The following TCF4 variants were observed in gnomAD, a reference collection of about 807,000 sequenced individuals.
TCF4 encodes the protein SL3-3 enhancer factor 2.
A neutral mutation model predicts 82.1 loss-of-function variants in TCF4; 3 were observed. That is an observed-to-expected ratio of 0.04 (90% CI 0.02 to 0.09). The LOEUF (loss-of-function observed/expected upper bound fraction) is 0.09. Ranked by LOEUF, TCF4 falls within the 10% of genes least tolerant of loss-of-function variation. The pLI, the probability that TCF4 is intolerant of heterozygous loss-of-function variation, is 1.00. For missense variants in TCF4, 518 were observed against 852.7 expected (o/e 0.61, Z 4.89); for synonymous variants, 276 against 309.6 (o/e 0.89, Z 1.14).
intron 6 of TCF4, among the ~76,000 whole-genome samples, chr18:55,389,726 A>G (rs2092917721): frequency 6.6e-6 from 1 of 152,138 alleles, no homozygotes; most frequent in African/African-American, 2.4e-5. Context: ...CAGGCCCCAA[A>G]GCCAAGGAAC....
chr18:55,435,932 G>A (rs2095320610), intron 5 of TCF4, among the ~76,000 whole-genome samples: 1 of 152,198 alleles, frequency 6.6e-6, no homozygotes, highest in Admixed American at 6.5e-5. Context: ...GATAAAGGGT[G>A]TATCTCCAAC....
chr18:55,293,806 T>C (rs1401555114), intron 8 of TCF4, among the ~76,000 whole-genome samples: 1 of 152,122 alleles, frequency 6.6e-6, no homozygotes, highest in African/African-American at 2.4e-5. Context: ...CAGCTCTTTT[T>C]TCCAGTAAGT....
chr18:55,323,761 G>A (rs2076102391), intron 8 of TCF4, among the ~76,000 whole-genome samples: 1 of 152,092 alleles, frequency 6.6e-6, no homozygotes, highest in Non-Finnish European at 1.5e-5. Flanking sequence ...AAAAGAGGCT[G>A]GAATTTAAAG....
At chr18:55,252,358 TTGTGTG>T (rs3831430) in intron 15 of TCF4, among the ~76,000 whole-genome samples, 38,530 of 149,810 alleles carry the variant, frequency 0.26, 4,880 homozygotes, top group East Asian at 0.32. Flanking sequence ...TTTATTGCTT[TTGTGTG>T]TGTGTGTGTG....
rs187763220 is a variant in TCF4, at chr18:55,408,596, A to G, written c.305-5078T>C. Reference sequence around the variant, plus strand: ...AAGAATAGCTGTGTCCTTATCATGTATTAACCACTGCTCAAAGCTCTACAT... The same window carrying G: ...AAGAATAGCTGTGTCCTTATCATGTGTTAACCACTGCTCAAAGCTCTACAT... On this transcript the variant is annotated intron_variant, in intron 5 of 19. Coordinates refer to ENST00000354452, the MANE Select transcript of TCF4 (RefSeq NM_001083962.2). 2.8e-3 allele frequency among the ~76,000 whole-genome samples: 420 copies of G among 152,326 alleles called. 1 individual carries two copies. The highest frequency in any genetic ancestry group is 9.7e-3 in the African/African-American group (405 of 41,576).
At chr18:55,552,825 T>C (rs1388706026) in intron 3 of TCF4, among the ~76,000 whole-genome samples, 1 of 152,194 alleles carries the variant, frequency 6.6e-6, no homozygotes, top group African/African-American at 2.4e-5. Flanking sequence ...CAGGATCTCA[T>C]AGAAAGTTTA....
chr18:55,470,086 C>G (rs111842896), intron 3 of TCF4, among the ~76,000 whole-genome samples: 2 of 152,072 alleles, frequency 1.3e-5, no homozygotes, highest in Non-Finnish European at 2.9e-5. Flanking sequence ...CCAAGACATA[C>G]CCCAAAGTCA....
At chr18:55,601,496 G>A (rs1210068870) in intron 2 of TCF4, among the ~76,000 whole-genome samples, 1 of 150,782 alleles carries the variant, frequency 6.6e-6, no homozygotes, top group Non-Finnish European at 1.5e-5. Flanking sequence ...AGGAAAGTCT[G>A]ATTCAAGCTG....
intron 2 of TCF4, among the ~76,000 whole-genome samples, chr18:55,625,262 G>A (rs1603625646): frequency 7.0e-6 from 1 of 143,700 alleles, no homozygotes; most frequent in African/African-American, 2.6e-5. Flanking sequence ...TTTTTGAGAT[G>A]GGAACTTGCT....
chr18:55,279,751 T>C, intron 8 of TCF4, 95 bp from the exon 9 acceptor site: 1 of 1,563,936 alleles, frequency 6.4e-7, no homozygotes, highest in East Asian at 2.3e-5. Context: ...AAGTGCTACA[T>C]TTCTACCCTT....
At chr18:55,597,058 T>A (rs545173984) in intron 2 of TCF4, among the ~76,000 whole-genome samples, 4 of 152,132 alleles carry the variant, frequency 2.6e-5, no homozygotes, top group Non-Finnish European at 5.9e-5. Context: ...TCGCTCTCTC[T>A]CTCCTGCTGT....
At chr18:55,472,616 T>A (rs2096209141) in intron 3 of TCF4, among the ~76,000 whole-genome samples, 1 of 152,192 alleles carries the variant, frequency 6.6e-6, no homozygotes, top group African/African-American at 2.4e-5. Context: ...CTTTGACTTT[T>A]CGAAATGTGA....
intron 5 of TCF4, among the ~76,000 whole-genome samples, chr18:55,441,099 C>T (rs2095431051): frequency 6.6e-6 from 1 of 152,196 alleles, no homozygotes; most frequent in Admixed American, 6.5e-5. Context: ...ATAATATTTG[C>T]TATGAAAAGC....
chr18:55,329,444 G>C (rs1212118911), intron 8 of TCF4, among the ~76,000 whole-genome samples: 1 of 152,094 alleles, frequency 6.6e-6, no homozygotes, highest in Non-Finnish European at 1.5e-5. Context: ...TAAATCCCAC[G>C]AGTAATCTAA....
chr18:55,551,772 T>C (rs1487733575), intron 3 of TCF4: 1 of 152,020 alleles, frequency 6.6e-6, no homozygotes, highest in Non-Finnish European at 1.5e-5. Flanking sequence ...TAGTGGAAAA[T>C]AAGATGAAGG....
At chr18:55,230,195 A>G (rs2047510401) in intron 17 of TCF4, 1 of 152,150 alleles carries the variant, frequency 6.6e-6, no homozygotes, top group Admixed American at 6.6e-5. Flanking sequence ...TAATTGTGAA[A>G]ACCAAAATAT....
At chr18:55,347,387 G>A (rs770601033) in intron 8 of TCF4, among the ~76,000 whole-genome samples, 10 of 152,026 alleles carry the variant, frequency 6.6e-5, no homozygotes, top group African/African-American at 1.2e-4. Context: ...TGCACTAGAG[G>A]GACAGGCTTC....
chr18:55,520,856 A>C (rs534861346), intron 3 of TCF4, among the ~76,000 whole-genome samples: 30 of 152,350 alleles, frequency 2.0e-4, no homozygotes, highest in African/African-American at 7.2e-4. Context: ...ATTTATGTAG[A>C]AAGATTTCAC....
intron 5 of TCF4, 194 bp from the exon 6 acceptor site, chr18:55,403,712 C>T (rs1172769768): frequency 6.5e-7 from 1 of 1,540,816 alleles, no homozygotes; most frequent in Non-Finnish European, 8.7e-7. Context: ...AAATATCCTT[C>T]ATTCCTATTC....
Sources: gnomAD v4.1 joint callset for allele counts (sites outside exome capture counted in the v4.1 genomes callset) on GRCh38, gnomAD v4.1.1 for gene constraint, MANE v1.5 for transcripts, NCBI Gene and HGNC (gene_info 2026-07-23, HGNC 2026-07-21) for gene names.